MAP7D2: variants seen among roughly 807,000 people sequenced by gnomAD.
MAP7D2 encodes the protein MAP7 domain-containing protein 2.
A neutral mutation model predicts 63.5 loss-of-function variants in MAP7D2; 33 were observed. The observed-to-expected ratio is 0.52, with a 90% CI of 0.39 to 0.70. MAP7D2 has a LOEUF of 0.70. Among genes scored for constraint, MAP7D2 ranks in the 30% least tolerant of loss-of-function variants. MAP7D2 has a pLI of 0.00. For missense variants in MAP7D2, 626 were observed against 604.0 expected, an observed-to-expected ratio of 1.04 and a Z score of -0.38; for synonymous variants, 224 against 223.7, an observed-to-expected ratio of 1.00 and a Z score of -0.01.
At chrX:20,110,425 T>C (rs1418196890) in intron 1 of MAP7D2, among the ~76,000 whole-genome samples, 11 of 109,539 alleles carry the variant, frequency 1.0e-4, no homozygotes, top group African/African-American at 2.3e-4. Flanking sequence ...GGAAGCGAGG[T>C]TGCAGAGAGC....
At chrX:20,115,239 TA>T (rs748101570) in intron 1 of MAP7D2, among the ~76,000 whole-genome samples, 2,912 of 69,982 alleles carry the variant, frequency 0.042, 94 homozygotes, top group African/African-American at 0.11. Flanking sequence ...TTGTTTCCAT[TA>T]AAAAAAAAAA....
chrX:20,070,182 C>T (rs886648659), intron 1 of MAP7D2, among the ~76,000 whole-genome samples: 8 of 111,463 alleles, frequency 7.2e-5, no homozygotes, highest in African/African-American at 2.6e-4. Flanking sequence ...CTCCTGACCT[C>T]GTAATCTGCC....
At chrX:20,093,395 G>A (rs892013691) in intron 1 of MAP7D2, among the ~76,000 whole-genome samples, 1 of 112,157 alleles carries the variant, frequency 8.9e-6, no homozygotes, top group Non-Finnish European at 1.9e-5. Context: ...GGTGGCTCAC[G>A]CCTGTAATCC....
At chrX:20,091,875 G>A (rs1050316145) in intron 1 of MAP7D2, among the ~76,000 whole-genome samples, 1 of 111,773 alleles carries the variant, frequency 8.9e-6, no homozygotes, top group Admixed American at 9.6e-5. Context: ...TATTTGTTTT[G>A]AGCAAGATGG....
At chrX:20,035,932 G>A (rs1283353362) in intron 8 of MAP7D2, among the ~76,000 whole-genome samples, 1 of 68,778 alleles carries the variant, frequency 1.5e-5, no homozygotes, top group Non-Finnish European at 2.8e-5. Flanking sequence ...ATATATGTGT[G>A]TGTGTGTGTG....
intron 1 of MAP7D2, among the ~76,000 whole-genome samples, chrX:20,093,528 G>T (rs993637135): frequency 9.0e-6 from 1 of 110,769 alleles, no homozygotes; most frequent in African/African-American, 3.3e-5. Flanking sequence ...GTGGTGGCAC[G>T]CACCTGTAGT....
intron 16 of MAP7D2, among the ~76,000 whole-genome samples, chrX:20,009,209 CA>C (rs1464355872): frequency 9.0e-6 from 1 of 111,083 alleles, no homozygotes; most frequent in Non-Finnish European, 1.9e-5. Flanking sequence ...AACAAGTATA[CA>C]AAAAACACAG....
chrX:20,071,065 G>A (rs2065489715), intron 1 of MAP7D2, among the ~76,000 whole-genome samples: 1 of 112,402 alleles, frequency 8.9e-6, no homozygotes, highest in African/African-American at 3.2e-5. Flanking sequence ...GAGGAATGAA[G>A]AGCTCATCCA....
At chrX:20,045,099 C>T (rs1182688827) in intron 6 of MAP7D2, among the ~76,000 whole-genome samples, 3 of 111,360 alleles carry the variant, frequency 2.7e-5, no homozygotes, top group African/African-American at 9.8e-5. Flanking sequence ...TAGCCAACTT[C>T]CCAGCCTGGC....
intron 1 of MAP7D2, among the ~76,000 whole-genome samples, chrX:20,087,950 C>T (rs772947357): frequency 3.3e-5 from 3 of 90,788 alleles, no homozygotes; most frequent in South Asian, 6.4e-4. Context: ...AGTGCAATGG[C>T]GCTATCTCGG....
intron 15 of MAP7D2, 87 bp downstream of exon 15, chrX:20,012,262 G>T: frequency 1.4e-6 from 1 of 724,167 alleles, no homozygotes; most frequent in Non-Finnish European, 2.0e-6. Context: ...AGGTGATTTG[G>T]TTGTATAAAA....
At chrX:20,104,487 G>C (rs1209144729) in intron 1 of MAP7D2, among the ~76,000 whole-genome samples, 1 of 111,664 alleles carries the variant, frequency 9.0e-6, no homozygotes, top group African/African-American at 3.3e-5. Flanking sequence ...TTTTAGTAGA[G>C]AGGGGGTTTC....
chrX:20,008,913 G>A (rs2073088760), intron 16 of MAP7D2, among the ~76,000 whole-genome samples: 1 of 111,937 alleles, frequency 8.9e-6, no homozygotes, highest in Non-Finnish European at 1.9e-5. Context: ...TAAATTTTGT[G>A]GATTCTCTGT....
At chrX:20,085,518 C>T (rs1325431844) in intron 1 of MAP7D2, among the ~76,000 whole-genome samples, 2 of 111,884 alleles carry the variant, frequency 1.8e-5, no homozygotes. Context: ...GGTAACCCAA[C>T]ATTCCGCTCA....
intron 10 of MAP7D2, among the ~76,000 whole-genome samples, chrX:20,022,941 G>A (rs1457474202): frequency 1.8e-5 from 2 of 111,969 alleles, no homozygotes; most frequent in Admixed American, 9.5e-5. Context: ...TCTTGAGCAC[G>A]GAAATGTGGC....
chrX:20,013,708 G>A, intron 12 of MAP7D2, 83 bp from the exon 13 acceptor site: 1 of 658,869 alleles, frequency 1.5e-6, no homozygotes, highest in South Asian at 2.8e-5. Context: ...TACATGCAAT[G>A]TCACATTTCT....
chrX:20,044,663 G>T, intron 6 of MAP7D2, 139 bp from the exon 7 acceptor site: 1 of 538,722 alleles, frequency 1.9e-6, no homozygotes, highest in Non-Finnish European at 3.0e-6. Context: ...ACACAGGATG[G>T]ATCTTACCCT....
intron 1 of MAP7D2, among the ~76,000 whole-genome samples, chrX:20,105,901 T>A (rs1045969497): frequency 8.9e-6 from 1 of 112,198 alleles, no homozygotes; most frequent in East Asian, 2.8e-4. Flanking sequence ...GGGTAACTTA[T>A]AACAAACAAA....
intron 6 of MAP7D2, among the ~76,000 whole-genome samples, chrX:20,047,214 T>G (rs770534102): frequency 8.9e-6 from 1 of 112,692 alleles, no homozygotes; most frequent in East Asian, 2.8e-4. Flanking sequence ...TGCACTGGAC[T>G]GAGCACCCTG....
Sources: allele counts gnomAD v4.1 joint callset (sites outside exome capture counted in the v4.1 genomes callset), GRCh38; gene constraint gnomAD v4.1.1; transcripts MANE v1.5; gene names NCBI Gene and HGNC (gene_info 2026-07-23, HGNC 2026-07-21).